The following CRTC3 variants were observed in gnomAD, a reference collection of about 807,000 sequenced individuals.
CRTC3 encodes CREB regulated transcription coactivator 3, also known as CREB-regulated transcription coactivator 3.
CRTC3 carries 26 observed loss-of-function variants against 74.5 expected under a neutral mutation model. That is an observed-to-expected ratio of 0.35 (90% CI 0.26 to 0.48). CRTC3 has a LOEUF of 0.48. Among genes scored for constraint, CRTC3 ranks in the 20% least tolerant of loss-of-function variants. The probability of loss-of-function intolerance (pLI) is 0.99; values close to 1 mark genes in which losing one functional copy is unlikely to be tolerated. For missense variants in CRTC3, 760 were observed against 787.3 expected (o/e 0.97, Z 0.41); for synonymous variants, 377 against 325.8 (o/e 1.16, Z -1.69).
intron 9 of CRTC3, among the ~76,000 whole-genome samples, chr15:90,621,444 T>C (rs753882390): frequency 6.6e-5 from 10 of 152,190 alleles, no homozygotes; most frequent in Non-Finnish European, 1.0e-4. Context: ...TACCTCAGCC[T>C]CCCAAGTAGC....
intron 13 of CRTC3, among the ~76,000 whole-genome samples, chr15:90,640,687 A>G (rs1052272262): frequency 7.2e-5 from 11 of 151,976 alleles, no homozygotes; most frequent in South Asian, 4.1e-4. Context: ...TTAAAAAAAA[A>G]AAGAAGAAAG....
At position 90,604,192 on chromosome 15, in the gene CRTC3, G is replaced by A; in HGVS notation, c.414-193G>A. Reference sequence around the variant, plus strand: ...TTATACTGGAAATCAGAGATCACAGGACTGGAAGGATCATGGAGTCTTACC... The same window carrying A: ...TTATACTGGAAATCAGAGATCACAGAACTGGAAGGATCATGGAGTCTTACC... On this transcript the variant is annotated intron_variant, in intron 4 of 14. Transcript: ENST00000268184. 5 of 566,690 alleles carry A rather than the reference G, an allele frequency of 8.8e-6. No individual in the cohort carries two copies. The East Asian group carries it at 1.2e-4, about 14-fold the overall frequency. 35.1% of individuals were successfully genotyped at this position (566,690 alleles called of 1,614,324 possible). A position where few individuals can be genotyped will look rare whatever the true frequency, so the allele number is the denominator to read the frequency against.
At chr15:90,546,519 C>T (rs980477872) in intron 2 of CRTC3, among the ~76,000 whole-genome samples, 7 of 152,122 alleles carry the variant, frequency 4.6e-5, no homozygotes, top group African/African-American at 1.2e-4. Context: ...TAATGAGAGT[C>T]GTCTTTGTTC....
chr15:90,545,859 T>C lies in CRTC3; in HGVS notation c.231+5722T>C, dbSNP rs577289890. On this transcript the variant is annotated intron_variant, in intron 2 of 14. Coordinates refer to ENST00000268184, the MANE Select transcript of CRTC3 (RefSeq NM_022769.5). ...TCCCAAAGTGCTGGGATTACAGGCG[T>C]GAGCCACTGCGCCTGGCCTTGTCTA... Among the ~76,000 whole-genome samples, 17 of 152,366 alleles carry C rather than the reference T, an allele frequency of 1.1e-4. No individual in the cohort carries two copies. In the East Asian group the frequency reaches 1.7e-3, roughly 16 times the overall value.
intron 7 of CRTC3, among the ~76,000 whole-genome samples, chr15:90,616,026 A>ATT (rs35766109): frequency 5.5e-5 from 8 of 146,114 alleles, no homozygotes; most frequent in African/African-American, 1.7e-4. Context: ...CACCCAGCTA[A>ATT]TTTTTTTTTT....
chr15:90,545,422 C>T (rs1432629594), intron 2 of CRTC3, among the ~76,000 whole-genome samples: 1 of 128,244 alleles, frequency 7.8e-6, no homozygotes, highest in Non-Finnish European at 1.6e-5. Context: ...TTTTTTGAGA[C>T]TGAATCTCGC....
chr15:90,622,039 C>T (rs1283744075), intron 9 of CRTC3, among the ~76,000 whole-genome samples: 4 of 152,214 alleles, frequency 2.6e-5, no homozygotes, highest in East Asian at 1.9e-4. Flanking sequence ...CAGCCACCAG[C>T]GGGCGTTGAG....
Position 90,567,710 on chromosome 15 carries a change from A to ATAAATAAATAAATAAT in CRTC3, c.232-25918_232-25917insTAAATAATTAAATAAA, listed in dbSNP as rs879800756. Among the ~76,000 whole-genome samples the ATAAATAAATAAATAAT allele has an allele frequency of 6.7e-3, 1,022 of 151,948 alleles. 4 individuals carry two copies. The highest frequency in any genetic ancestry group is 0.011 in the Non-Finnish European group (734 of 67,936). ...TCTCAAAAAATAAATAAATAAATAA[A>ATAAATAAATAAATAAT]TAAATAAAATATCACTCCTCGTTGA... On this transcript the variant is annotated intron_variant, in intron 2 of 14. Coordinates refer to ENST00000268184, the MANE Select transcript of CRTC3 (RefSeq NM_022769.5).
chr15:90,641,875 C>A lies in CRTC3; in HGVS notation c.1652-57C>A. On this transcript the variant is annotated intron_variant, in intron 14 of 14. Coordinates refer to ENST00000268184, the MANE Select transcript of CRTC3 (RefSeq NM_022769.5). Reference sequence around the variant, plus strand: ...GTCATCAGCTGGGTTTGCTTAGTAGCCTGGAGCCTTCGCGCCTCCTAACCG... The same window carrying A: ...GTCATCAGCTGGGTTTGCTTAGTAGACTGGAGCCTTCGCGCCTCCTAACCG... The A allele has an allele frequency of 1.3e-6, 2 of 1,492,456 alleles. 1 individual carries two copies. The highest frequency in any genetic ancestry group is 1.9e-6 in the Non-Finnish European group (2 of 1,073,872). 92.5% of individuals were successfully genotyped at this position (1,492,456 alleles called of 1,614,324 possible).
chr15:90,547,630 G>C (rs531906804), intron 2 of CRTC3, among the ~76,000 whole-genome samples: 1 of 152,186 alleles, frequency 6.6e-6, no homozygotes, highest in Admixed American at 6.5e-5. Context: ...GGGGTAGCTA[G>C]GGTTATAGCC....
intron 2 of CRTC3, among the ~76,000 whole-genome samples, chr15:90,569,763 A>T (rs1056330353): frequency 2.6e-5 from 4 of 151,828 alleles, no homozygotes; most frequent in African/African-American, 9.7e-5. Context: ...TATTTTTTGT[A>T]GAGACAGAGT....
chr15:90,539,944 A>G (rs1309467838), intron 1 of CRTC3, 95 bp from the exon 2 acceptor site: 17 of 852,136 alleles, frequency 2.0e-5, no homozygotes, highest in South Asian at 9.0e-5. Flanking sequence ...CAAGACTTTC[A>G]TTCTTGAACC....
chr15:90,530,232 G>A lies in CRTC3; in HGVS notation c.132+29G>A. 9.2e-7 allele frequency: 1 copy of A among 1,081,510 alleles called. No individual in the cohort carries two copies. The highest frequency in any genetic ancestry group is 1.1e-6 in the Non-Finnish European group (1 of 889,554). The allele number at this position is 1,081,510 out of a possible 1,614,324, so 67.0% of individuals were successfully genotyped here. Reference sequence around the variant, plus strand: ...AGGGCCCGGGCCGGCGCGGGCGGGGGCGGCCACGGCCGCGGGCGGGACCCG... The same window carrying A: ...AGGGCCCGGGCCGGCGCGGGCGGGGACGGCCACGGCCGCGGGCGGGACCCG... On this transcript the variant is annotated intron_variant, in intron 1 of 14. Coordinates refer to ENST00000268184, the MANE Select transcript of CRTC3 (RefSeq NM_022769.5). The surrounding 1 kb of genome is among the most constrained non-coding windows in gnomAD (Gnocchi z 6.2).
chr15:90,556,494 C>G (rs1173107027), intron 2 of CRTC3, among the ~76,000 whole-genome samples: 1 of 152,126 alleles, frequency 6.6e-6, no homozygotes, highest in Non-Finnish European at 1.5e-5. Context: ...GTTGACTGTT[C>G]AAGAATGACT....
chr15:90,641,685 C>CAAAAAAAAAAAAAAAAAA (rs11294553), intron 14 of CRTC3, among the ~76,000 whole-genome samples: 2 of 132,868 alleles, frequency 1.5e-5, no homozygotes, highest in African/African-American at 5.6e-5. Flanking sequence ...CAACAGTCTC[C>CAAAAAAAAAAAAAAAAAA]AAAAAAAAAA....
intron 11 of CRTC3, among the ~76,000 whole-genome samples, chr15:90,632,649 G>A (rs1486775528): frequency 6.6e-6 from 1 of 152,142 alleles, no homozygotes; most frequent in Non-Finnish European, 1.5e-5. Flanking sequence ...CTGTCACCCA[G>A]GCTGGGGTGT....
intron 2 of CRTC3, among the ~76,000 whole-genome samples, chr15:90,589,018 G>A (rs535498094): frequency 5.3e-5 from 8 of 152,244 alleles, no homozygotes; most frequent in Admixed American, 4.6e-4. Flanking sequence ...CGAATCATAT[G>A]TGTTTTTGGG....
chr15:90,565,166 T>C (rs1967097118), intron 2 of CRTC3, among the ~76,000 whole-genome samples: 1 of 152,210 alleles, frequency 6.6e-6, no homozygotes, highest in Non-Finnish European at 1.5e-5. Context: ...CAGGCTGGTC[T>C]TGAACTCCCG....
chr15:90,556,034 T>G (rs1389599081), intron 2 of CRTC3, among the ~76,000 whole-genome samples: 1 of 152,158 alleles, frequency 6.6e-6, no homozygotes, highest in Non-Finnish European at 1.5e-5. Context: ...AAGTTTATTT[T>G]TCATGTATCT....
Sources: gnomAD v4.1 joint callset for allele counts (sites outside exome capture counted in the v4.1 genomes callset) on GRCh38, gnomAD v4.1.1 for gene constraint, Gnocchi (gnomAD v3.1) non-coding constraint, MANE v1.5 for transcripts, NCBI Gene and HGNC (gene_info 2026-07-23, HGNC 2026-07-21) for gene names.